Variants in BCAS3 observed in about 807,000 individuals in gnomAD.
The protein encoded by BCAS3 is BCAS3 microtubule associated cell migration factor, also known as BCAS4/BCAS3 fusion.
In BCAS3, 53 loss-of-function variants were observed where a neutral mutation model predicts 116.1. The ratio of observed to expected loss-of-function variants is 0.46; its 90% confidence interval spans 0.37 to 0.57. BCAS3 has a LOEUF of 0.57. Ranked by LOEUF, BCAS3 falls within the 20% of genes least tolerant of loss-of-function variation. BCAS3 has a pLI of 0.00. For synonymous variants in BCAS3, 391 were observed against 408.2 expected (o/e 0.96, Z 0.51); for missense variants, 917 against 1,165.4 (o/e 0.79, Z 3.10).
intron 22 of BCAS3, among the ~76,000 whole-genome samples, chr17:61,114,376 G>A (rs1347370901): frequency 6.9e-6 from 1 of 145,656 alleles, no homozygotes; most frequent in East Asian, 2.0e-4. Flanking sequence ...AAGCTGATAA[G>A]CAACTTCAGC....
rs2058650690 is a variant in BCAS3, at chr17:61,364,990, C to T, written c.2426-3337C>T. ...ACATATTTGTCATTAAGAACATATA[C>T]ATGAACACACCTATTACATACAGAA... On this transcript the variant is annotated intron_variant, in intron 22 of 23. Transcript: ENST00000407086. The surrounding 1 kb of genome is among the most constrained non-coding windows in gnomAD (Gnocchi z 5.4). Among the ~76,000 whole-genome samples the T allele has an allele frequency of 6.6e-6, 1 of 152,218 alleles. No homozygotes were observed. Among genetic ancestry groups the T allele is most frequent in the Non-Finnish European group, 1.5e-5 (1 of 68,026 alleles).
chr17:60,794,054 T>C (rs2047006266), intron 6 of BCAS3, among the ~76,000 whole-genome samples: 1 of 152,206 alleles, frequency 6.6e-6, no homozygotes, highest in Non-Finnish European at 1.5e-5. Context: ...GATCGCCGCA[T>C]CCACACCAAC....
intron 19 of BCAS3, among the ~76,000 whole-genome samples, chr17:61,052,853 G>A (rs1245518910): frequency 1.3e-5 from 2 of 151,690 alleles, no homozygotes; most frequent in Non-Finnish European, 2.9e-5. Context: ...AAGTAGCTGG[G>A]ACTCCAGGTG....
chr17:60,819,222 T>G (rs1444380601), intron 7 of BCAS3, among the ~76,000 whole-genome samples: 2 of 152,190 alleles, frequency 1.3e-5, no homozygotes, highest in Non-Finnish European at 2.9e-5. Context: ...TTTTGTTTGG[T>G]GATAAGGCAA....
chr17:60,717,025 G>T (rs2038691251), intron 5 of BCAS3, among the ~76,000 whole-genome samples: 1 of 152,270 alleles, frequency 6.6e-6, no homozygotes, highest in Non-Finnish European at 1.5e-5. Flanking sequence ...GATGGTGATA[G>T]ATAGGGTGGT....
At chr17:61,386,163 T>A (rs971653666) in intron 23 of BCAS3, among the ~76,000 whole-genome samples, 66 of 152,262 alleles carry the variant, frequency 4.3e-4, no homozygotes, top group Non-Finnish European at 2.1e-4. Flanking sequence ...GTTAACCTCA[T>A]GTTCGGGAAC....
chr17:61,303,520 C>T (rs2053611930), intron 22 of BCAS3, among the ~76,000 whole-genome samples: 1 of 152,166 alleles, frequency 6.6e-6, no homozygotes, highest in Admixed American at 6.5e-5. Flanking sequence ...AGTATTACCA[C>T]CTGTTGTTCA....
intron 15 of BCAS3, among the ~76,000 whole-genome samples, chr17:60,996,770 C>T (rs1003213575): frequency 1.3e-5 from 2 of 152,020 alleles, no homozygotes; most frequent in Admixed American, 6.5e-5. Context: ...AGGACTGAGC[C>T]CTGGGGCCCT....
In BCAS3 at chr17:61,327,031, C is replaced by T. The variant is rs531219447; in HGVS notation, c.2426-41296C>T. On this transcript the variant is annotated intron_variant, in intron 22 of 23. Coordinates refer to ENST00000407086, the MANE Select transcript of BCAS3 (RefSeq NM_017679.5). This position sits in a 1 kb window ranked among gnomAD's most constrained non-coding sequence, Gnocchi z 5.9. The stretch of plus-strand genomic sequence containing the variant: ...TAATTAAAAAACAAAACAGGCCGGG[C>T]GCGGTGGCTCACACCTGTAATCCCA... Among the ~76,000 whole-genome samples, 191 of 152,198 alleles carry T rather than the reference C, an allele frequency of 1.3e-3. 1 individual carries two copies. The highest frequency in any genetic ancestry group is 4.2e-3 in the African/African-American group (173 of 41,542).
At position 60,961,948 on chromosome 17, in the gene BCAS3, T is replaced by A. The variant is rs531679072; in HGVS notation, c.1221+14596T>A. 9.9e-5 allele frequency among the ~76,000 whole-genome samples: 15 copies of A among 152,236 alleles called. No individual in the cohort carries two copies. The highest frequency in any genetic ancestry group is 3.3e-4 in the Admixed American group (5 of 15,282). On this transcript the variant is annotated intron_variant, in intron 14 of 23. Transcript: ENST00000407086. The surrounding 1 kb of genome is among the most constrained non-coding windows in gnomAD (Gnocchi z 4.8). ...GGAGTGAGATCATGCAACATTTCACTGTGCCTGGTTTGTTTCTCTTAACAT... is the reference window on the plus strand; with the variant it reads ...GGAGTGAGATCATGCAACATTTCACAGTGCCTGGTTTGTTTCTCTTAACAT...
Position 61,088,600 on chromosome 17 carries a change from G to T in BCAS3, c.2425+4036G>T, listed in dbSNP as rs1255545902. 6.6e-6 allele frequency among the ~76,000 whole-genome samples: 1 copy of T among 152,224 alleles called. No individual in the cohort carries two copies. Among genetic ancestry groups the T allele is most frequent in the Non-Finnish European group, 1.5e-5 (1 of 68,030 alleles). On this transcript the variant is annotated intron_variant, in intron 22 of 23. Coordinates refer to ENST00000407086, the MANE Select transcript of BCAS3 (RefSeq NM_017679.5). This position sits in a 1 kb window ranked among gnomAD's most constrained non-coding sequence, Gnocchi z 4.2. ...TGTCTTGTTGGAACTTTGTTTTCCA[G>T]ATTGCTGACTATTCTTGTTCCAAAA...
chr17:61,170,598 A>T (rs2078789944), intron 22 of BCAS3, among the ~76,000 whole-genome samples: 1 of 151,978 alleles, frequency 6.6e-6, no homozygotes, highest in South Asian at 2.1e-4. Flanking sequence ...GGCCGATACG[A>T]TGTAATGGTT....
intron 22 of BCAS3, among the ~76,000 whole-genome samples, chr17:61,133,994 C>G (rs2076483674): frequency 1.3e-5 from 2 of 151,482 alleles, no homozygotes. Flanking sequence ...AGCAATGGAG[C>G]AGAGTTGGAG....
In BCAS3 at chr17:61,181,431, T is replaced by C. The variant is rs16944948; in HGVS notation, c.2425+96867T>C. ...AAGTGATTTATTGCTGGAGGTGATA[T>C]TATCTTTGAACCTTTGCTTGACCAT... is the stretch of plus-strand genomic sequence containing the variant. On this transcript the variant is annotated intron_variant, in intron 22 of 23. Coordinates refer to ENST00000407086, the MANE Select transcript of BCAS3 (RefSeq NM_017679.5). This position sits in a 1 kb window ranked among gnomAD's most constrained non-coding sequence, Gnocchi z 5.0. Among the ~76,000 whole-genome samples the C allele has an allele frequency of 2.5e-3, 374 of 152,318 alleles. 3 individuals carry two copies. Among genetic ancestry groups the C allele is most frequent in the African/African-American group, 8.6e-3 (358 of 41,580 alleles).
At chr17:61,319,380 A>G (rs1237412472) in intron 22 of BCAS3, among the ~76,000 whole-genome samples, 1 of 152,232 alleles carries the variant, frequency 6.6e-6, no homozygotes, top group African/African-American at 2.4e-5. Flanking sequence ...CGGATGTACA[A>G]TCTAGCTTGA....
rs1251367701 is a variant in BCAS3, at chr17:61,219,095, ATATTTT to A, written c.2425+134535_2425+134540del. On this transcript the variant is annotated intron_variant, in intron 22 of 23. Coordinates refer to ENST00000407086, the MANE Select transcript of BCAS3 (RefSeq NM_017679.5). This position sits in a 1 kb window ranked among gnomAD's most constrained non-coding sequence, Gnocchi z 5.2. Reference sequence around the variant, plus strand: ...ATTAGGATTCTGCGCTCCGTAACTAATATTTTTATAGGAAATATGAAATGAAGTAAA... The same window carrying A: ...ATTAGGATTCTGCGCTCCGTAACTAATATAGGAAATATGAAATGAAGTAAA... Among the ~76,000 whole-genome samples, 1 of 152,140 alleles carries A rather than the reference ATATTTT, an allele frequency of 6.6e-6. No homozygotes were observed. Among genetic ancestry groups the A allele is most frequent in the Non-Finnish European group, 1.5e-5 (1 of 68,022 alleles).
At chr17:60,952,229 G>T (rs2060882822) in intron 14 of BCAS3, among the ~76,000 whole-genome samples, 2 of 152,016 alleles carry the variant, frequency 1.3e-5, no homozygotes, top group African/African-American at 2.4e-5. Context: ...ACAGGAAATG[G>T]GTTTGCACAT....
intron 22 of BCAS3, among the ~76,000 whole-genome samples, chr17:61,166,510 G>T (rs1446308505): frequency 7.0e-6 from 1 of 143,410 alleles, no homozygotes; most frequent in Non-Finnish European, 1.5e-5. Flanking sequence ...CAGTTCTCTT[G>T]CCTCTGCCTC....
At chr17:61,165,495 T>C (rs2078434970) in intron 22 of BCAS3, among the ~76,000 whole-genome samples, 2 of 152,188 alleles carry the variant, frequency 1.3e-5, no homozygotes, top group Admixed American at 1.3e-4. Context: ...GTTGGTAGCC[T>C]GACCAACATG....
Sources: allele counts gnomAD v4.1 joint callset (sites outside exome capture counted in the v4.1 genomes callset), GRCh38; gene constraint gnomAD v4.1.1; non-coding constraint Gnocchi (gnomAD v3.1); transcripts MANE v1.5; gene names NCBI Gene and HGNC (gene_info 2026-07-23, HGNC 2026-07-21).